Variants in MATN2 observed in about 807,000 individuals in gnomAD.
MATN2 encodes the protein matrilin 2, also known as matrilin-2.
In MATN2, 69 loss-of-function variants were observed where a neutral mutation model predicts 103.2. The observed-to-expected ratio is 0.67, with a 90% CI of 0.55 to 0.82. MATN2 has a LOEUF of 0.82. MATN2 is among the 40% of genes least tolerant of loss of function. The pLI is 0.00. For synonymous variants in MATN2, 429 were observed against 450.2 expected, an observed-to-expected ratio of 0.95 and a Z score of 0.60; for missense variants, 1,023 against 1,211.5, an observed-to-expected ratio of 0.84 and a Z score of 2.31.
At chr8:98,001,084 A>G (rs79770137) in intron 7 of MATN2, among the ~76,000 whole-genome samples, 4,313 of 152,334 alleles carry the variant, frequency 0.028, 185 homozygotes, top group African/African-American at 0.095. Context: ...GGGCAGATAC[A>G]TGGTAAAAAT....
chr8:97,907,250 C>T (rs1819205662), intron 2 of MATN2, among the ~76,000 whole-genome samples: 1 of 151,540 alleles, frequency 6.6e-6, no homozygotes, highest in Non-Finnish European at 1.5e-5. Context: ...ATCTGCCTGC[C>T]TCGGCCCCTT....
intron 2 of MATN2, among the ~76,000 whole-genome samples, chr8:97,916,593 C>A (rs1809638180): frequency 6.6e-6 from 1 of 152,080 alleles, no homozygotes; most frequent in African/African-American, 2.4e-5. Context: ...CCGTGTGTTC[C>A]CATCATTTAG....
At chr8:97,975,037 C>T (rs1259668268) in intron 5 of MATN2, among the ~76,000 whole-genome samples, 1 of 152,182 alleles carries the variant, frequency 6.6e-6, no homozygotes, top group Non-Finnish European at 1.5e-5. Flanking sequence ...TATAAGAATA[C>T]ATCTCAGTCA....
intron 4 of MATN2, among the ~76,000 whole-genome samples, chr8:97,956,167 C>A (rs1417262410): frequency 6.6e-6 from 1 of 152,022 alleles, no homozygotes; most frequent in Non-Finnish European, 1.5e-5. Flanking sequence ...TAGCTCAGGG[C>A]AGTTTTACAG....
chr8:97,962,396 G>A (rs1811345403), intron 5 of MATN2, among the ~76,000 whole-genome samples: 1 of 152,178 alleles, frequency 6.6e-6, no homozygotes. Flanking sequence ...CATAGAATTT[G>A]CATTTTCCAG....
chr8:98,032,344 G>C, intron 16 of MATN2, 27 bp downstream of exon 16: 2 of 1,579,806 alleles, frequency 1.3e-6, no homozygotes, highest in Non-Finnish European at 1.7e-6. Context: ...AGTGTTTTTA[G>C]AAATTTTGGT....
At chr8:97,911,043 C>T (rs1809412079) in intron 2 of MATN2, among the ~76,000 whole-genome samples, 1 of 152,096 alleles carries the variant, frequency 6.6e-6, no homozygotes, top group South Asian at 2.1e-4. Context: ...TGCTGGAGTG[C>T]AAGGGAGTGA....
chr8:97,947,120 C>T (rs1810778173), intron 4 of MATN2, among the ~76,000 whole-genome samples: 1 of 152,254 alleles, frequency 6.6e-6, no homozygotes, highest in Admixed American at 6.5e-5. Context: ...GCCTGCAATC[C>T]TAGCACTTTG....
intron 2 of MATN2, among the ~76,000 whole-genome samples, chr8:97,894,659 G>T (rs937461053): frequency 3.3e-5 from 5 of 152,022 alleles, no homozygotes; most frequent in African/African-American, 1.2e-4. Flanking sequence ...TGCTCTTGGG[G>T]AATCACAGTG....
At chr8:97,965,734 A>C (rs1811457343) in intron 5 of MATN2, among the ~76,000 whole-genome samples, 1 of 152,182 alleles carries the variant, frequency 6.6e-6, no homozygotes. Flanking sequence ...TAATCCCAGC[A>C]CTTTGGGAGG....
intron 4 of MATN2, among the ~76,000 whole-genome samples, chr8:97,954,361 A>G (rs989071979): frequency 6.6e-6 from 1 of 152,228 alleles, no homozygotes; most frequent in Non-Finnish European, 1.5e-5. Flanking sequence ...TTTCCTGCTT[A>G]TAACGTATCA....
At chr8:97,949,092 A>T (rs939566142) in intron 4 of MATN2, among the ~76,000 whole-genome samples, 1 of 152,130 alleles carries the variant, frequency 6.6e-6, no homozygotes, top group Admixed American at 6.5e-5. Flanking sequence ...CATGGAAGAC[A>T]TATGGGTAGT....
chr8:98,023,211 C>T (rs1412271985), intron 13 of MATN2, among the ~76,000 whole-genome samples: 2 of 151,992 alleles, frequency 1.3e-5, no homozygotes, highest in Non-Finnish European at 2.9e-5. Context: ...GGGCCGAGAT[C>T]GTGCCACTGC....
At chr8:97,966,649 C>T (rs369163995) in intron 5 of MATN2, among the ~76,000 whole-genome samples, 1 of 151,932 alleles carries the variant, frequency 6.6e-6, no homozygotes, top group Non-Finnish European at 1.5e-5. Context: ...CACAAGGACA[C>T]GTCAAGAGGA....
chr8:97,871,564 A>C (rs1159553616), intron 1 of MATN2, among the ~76,000 whole-genome samples: 1 of 152,224 alleles, frequency 6.6e-6, no homozygotes, highest in African/African-American at 2.4e-5. Flanking sequence ...GAAGCTATGG[A>C]GGACTCCCCT....
chr8:98,032,862 T>G (rs28591345), intron 16 of MATN2, among the ~76,000 whole-genome samples, 180 bp from the exon 17 acceptor site: 68 of 151,504 alleles, frequency 4.5e-4, no homozygotes, highest in Middle Eastern at 3.4e-3. Flanking sequence ...TGTTGTTGTT[T>G]TTTGTTTTTT....
chr8:98,030,348 C>G (rs1813968603), intron 14 of MATN2, 114 bp from the exon 15 acceptor site: 1 of 750,606 alleles, frequency 1.3e-6, no homozygotes, highest in Non-Finnish European at 2.2e-6. Flanking sequence ...TTGGCATGGA[C>G]TCTTCAAATC....
intron 7 of MATN2, among the ~76,000 whole-genome samples, chr8:97,999,992 C>T (rs2130370337): frequency 6.6e-6 from 1 of 151,812 alleles, no homozygotes; most frequent in Non-Finnish European, 1.5e-5. Context: ...GCGATCCTCT[C>T]ACCTCAGCTT....
chr8:97,874,840 C>T (rs1192358963), intron 1 of MATN2, among the ~76,000 whole-genome samples: 1 of 152,082 alleles, frequency 6.6e-6, no homozygotes, highest in Non-Finnish European at 1.5e-5. Context: ...GCCTCAGCCT[C>T]CTGAGCAGCT....
Sources: allele counts gnomAD v4.1 joint callset (sites outside exome capture counted in the v4.1 genomes callset), GRCh38; gene constraint gnomAD v4.1.1; transcripts MANE v1.5; gene names NCBI Gene and HGNC (gene_info 2026-07-23, HGNC 2026-07-21).